The following CCDC13 variants were observed in gnomAD, a reference collection of about 807,000 sequenced individuals.
CCDC13 encodes the protein coiled-coil domain containing 13, also known as coiled-coil domain-containing protein 13.
CCDC13 carries 70 observed loss-of-function variants against 87.3 expected under a neutral mutation model. The observed-to-expected ratio is 0.80, with a 90% confidence interval of 0.66 to 0.98. The LOEUF (loss-of-function observed/expected upper bound fraction) is 0.98, where lower values mean the gene tolerates loss of function less well. Ranked by LOEUF, CCDC13 falls within the 50% of genes least tolerant of loss-of-function variation. The pLI, the probability that CCDC13 is intolerant of heterozygous loss-of-function variation, is 0.00. For missense variants in CCDC13, 842 were observed against 892.0 expected (o/e 0.94, Z 0.71); for synonymous variants, 317 against 360.3 (o/e 0.88, Z 1.36).
chr3:42,726,631 T>C (rs139747470), intron 13 of CCDC13, among the ~76,000 whole-genome samples: 1,799 of 152,128 alleles, frequency 0.012, 22 homozygotes, highest in Non-Finnish European at 0.018. Context: ...AACTTCTGAG[T>C]AGATAAAATT....
intron 14 of CCDC13, among the ~76,000 whole-genome samples, chr3:42,710,839 C>T (rs1698294015): frequency 6.6e-6 from 1 of 152,136 alleles, no homozygotes; most frequent in South Asian, 2.1e-4. Flanking sequence ...CTAAGCTGCC[C>T]TTGGCTTATT....
At chr3:42,722,583 C>T (rs141959342) in intron 13 of CCDC13, among the ~76,000 whole-genome samples, 2 of 152,246 alleles carry the variant, frequency 1.3e-5, no homozygotes, top group South Asian at 2.1e-4. Context: ...GACCTCTGGT[C>T]GTCCTCACTG....
chr3:42,720,092 T>A (rs185804211), intron 13 of CCDC13, among the ~76,000 whole-genome samples: 14 of 152,332 alleles, frequency 9.2e-5, no homozygotes, highest in Admixed American at 3.3e-4. Context: ...TGAAAATTGT[T>A]CAATTTACCT....
intron 13 of CCDC13, among the ~76,000 whole-genome samples, chr3:42,728,729 C>A (rs1263916538): frequency 1.3e-5 from 2 of 152,012 alleles, no homozygotes; most frequent in African/African-American, 4.8e-5. Context: ...GCAATAACCT[C>A]AAGGAAAAAA....
At position 42,732,872 on chromosome 3, in the gene CCDC13, G is replaced by A. The variant is rs1041496756; in HGVS notation, c.1595+15C>T. ...GGGAAAAAACTGTGAGAGTCCGGGGGTCGGGGGTCCATACCTAGGTGAGGT... is the reference window on the plus strand; with the variant it reads ...GGGAAAAAACTGTGAGAGTCCGGGGATCGGGGGTCCATACCTAGGTGAGGT... On this transcript the variant is annotated intron_variant, in intron 12 of 15. Transcript: ENST00000310232. 6.5e-6 allele frequency: 10 copies of A among 1,549,122 alleles called. No individual in the cohort carries two copies. The highest frequency in any genetic ancestry group is 2.0e-5 in the Admixed American group (1 of 50,770).
chr3:42,743,488 G>A (rs1288007117), intron 7 of CCDC13, among the ~76,000 whole-genome samples: 2 of 147,394 alleles, frequency 1.4e-5, no homozygotes, highest in East Asian at 3.9e-4. Context: ...TGCAATCATG[G>A]CTCACTGTAA....
At chr3:42,759,382 C>T (rs1699782452) in intron 1 of CCDC13, among the ~76,000 whole-genome samples, 8 of 152,110 alleles carry the variant, frequency 5.3e-5, no homozygotes, top group Admixed American at 2.0e-4. Context: ...AAACCACCTC[C>T]ACCATCGTGA....
Position 42,747,283 on chromosome 3 carries a change from T to A in CCDC13, c.694A>T (p.Lys232Ter). The A allele has an allele frequency of 6.2e-7, 1 of 1,614,110 alleles. No individual in the cohort carries two copies. The highest frequency in any genetic ancestry group is 8.5e-7 in the Non-Finnish European group (1 of 1,179,988). The part of the protein sequence containing the change: ...SDLRNQIQSV[K>*]QELRMAQKVL... Reference sequence around the variant, plus strand: ...TTCTGTGCCATCCGCAGCTCCTGCTTCACAGACTGGATCTGGTTTCGGAGG... The same window carrying A: ...TTCTGTGCCATCCGCAGCTCCTGCTACACAGACTGGATCTGGTTTCGGAGG... Residue 232 changes from lysine to a stop codon, truncating the protein, a stop_gained, in exon 6 of 16, where the codon AAG (lysine) becomes TAG (stop). Transcript: ENST00000310232. LOFTEE classifies it high-confidence loss of function.
intron 7 of CCDC13, chr3:42,745,149 C>T (rs1699358538): frequency 6.6e-6 from 1 of 152,162 alleles, no homozygotes; most frequent in Non-Finnish European, 1.5e-5. Flanking sequence ...CCTCGAAGTC[C>T]CTGGGAACAA....
intron 1 of CCDC13, among the ~76,000 whole-genome samples, chr3:42,767,999 A>T (rs1206639478): frequency 6.6e-6 from 1 of 152,146 alleles, no homozygotes; most frequent in East Asian, 1.9e-4. Flanking sequence ...ACTTACTATA[A>T]AATGATAGTA....
At chr3:42,761,952 T>C (rs1246209295) in intron 1 of CCDC13, among the ~76,000 whole-genome samples, 2 of 152,226 alleles carry the variant, frequency 1.3e-5, no homozygotes, top group African/African-American at 4.8e-5. Context: ...CTGCTCTATC[T>C]GTACCTTCTT....
intron 2 of CCDC13, 31 bp from the exon 3 acceptor site, chr3:42,757,245 C>T (rs1221468486): frequency 1.2e-6 from 2 of 1,603,058 alleles, no homozygotes; most frequent in Admixed American, 1.7e-5. Flanking sequence ...TAATGCTCCT[C>T]CAAGGCAAAG....
intron 13 of CCDC13, among the ~76,000 whole-genome samples, chr3:42,719,693 T>C (rs1264189932): frequency 6.6e-6 from 1 of 152,306 alleles, no homozygotes; most frequent in East Asian, 1.9e-4. Context: ...CCTTCTTGTC[T>C]TGTAAATCCT....
rs1320700566 is a variant in CCDC13, at chr3:42,735,881, G to A, written c.1197C>T (p.Gly399=). 6.2e-7 allele frequency: 1 copy of A among 1,614,140 alleles called. No homozygotes were observed. Among genetic ancestry groups the A allele is most frequent in the Non-Finnish European group, 8.5e-7 (1 of 1,180,008 alleles). ...DQLKQLQEIL[G]SLSLQEEKTR... ...TTTTCTCCTCCTGCAGACTCAGGCTGCCTAGGATCTCCTGTAGCTGCTTCA... is the reference window on the plus strand; with the variant it reads ...TTTTCTCCTCCTGCAGACTCAGGCTACCTAGGATCTCCTGTAGCTGCTTCA... The change falls in exon 10 of 16, where the codon GGC becomes GGT. Residue 399 remains glycine, a synonymous_variant. Coordinates refer to ENST00000310232, the MANE Select transcript of CCDC13 (RefSeq NM_144719.4).
chr3:42,763,557 C>G (rs1005779920), intron 1 of CCDC13, among the ~76,000 whole-genome samples: 1 of 148,548 alleles, frequency 6.7e-6, no homozygotes, highest in Non-Finnish European at 1.5e-5. Flanking sequence ...CAGGCTGGAG[C>G]GCAGTGGCAC....
chr3:42,705,293 C>A (rs1001013270), downstream of CCDC13, among the ~76,000 whole-genome samples: 2 of 152,098 alleles, frequency 1.3e-5, no homozygotes, highest in Non-Finnish European at 2.9e-5. Flanking sequence ...CAGAGGAGCA[C>A]ACCCACTGGA....
In CCDC13 at chr3:42,708,191, C is replaced by A. The variant is rs1270739505; in HGVS notation, c.*789G>T. 1 of 152,092 alleles carries A rather than the reference C, an allele frequency of 6.6e-6. No individual in the cohort carries two copies. The highest frequency in any genetic ancestry group is 6.6e-5 in the Admixed American group (1 of 15,266). 9.4% of individuals were successfully genotyped at this position (152,092 alleles called of 1,614,324 possible). On this transcript the variant is annotated 3_prime_UTR_variant, in exon 16 of 16. Transcript: ENST00000310232. Reference sequence around the variant, plus strand: ...GGGGTTGTTCAGTGGTGGGTGGGTGCGCCTACCCTGGGTAATCTCTGAACG... The same window carrying A: ...GGGGTTGTTCAGTGGTGGGTGGGTGAGCCTACCCTGGGTAATCTCTGAACG...
chr3:42,748,426 C>A (rs1484799104), intron 5 of CCDC13, among the ~76,000 whole-genome samples: 2 of 152,248 alleles, frequency 1.3e-5, no homozygotes, highest in Admixed American at 1.3e-4. Context: ...TCCCATCAGG[C>A]AATGACGCTG....
intron 13 of CCDC13, among the ~76,000 whole-genome samples, chr3:42,726,790 T>C (rs1194427402): frequency 6.6e-6 from 1 of 152,014 alleles, no homozygotes; most frequent in Non-Finnish European, 1.5e-5. Context: ...TATGGGCATA[T>C]TACATATATA....
Sources: allele counts gnomAD v4.1 joint callset (sites outside exome capture counted in the v4.1 genomes callset), GRCh38; gene constraint gnomAD v4.1.1; transcripts MANE v1.5; gene names NCBI Gene and HGNC (gene_info 2026-07-23, HGNC 2026-07-21).